SDK2: variants seen among roughly 807,000 people sequenced by gnomAD.
SDK2 encodes sidekick cell adhesion molecule 2, also known as protein sidekick-2.
A neutral mutation model predicts 253.9 loss-of-function variants in SDK2; 105 were observed. That is an observed-to-expected ratio of 0.41 (90% CI 0.35 to 0.49). The LOEUF is 0.49. Among genes scored for constraint, SDK2 ranks in the 20% least tolerant of loss-of-function variants. SDK2 has a pLI of 0.06. For synonymous variants in SDK2, 1,249 were observed against 1,234.9 expected, an observed-to-expected ratio of 1.01 and a Z score of -0.24; for missense variants, 2,608 against 3,003.0, an observed-to-expected ratio of 0.87 and a Z score of 3.07.
At chr17:73,411,930 C>A (rs1316334361) in intron 18 of SDK2, among the ~76,000 whole-genome samples, 2 of 137,220 alleles carry the variant, frequency 1.5e-5, no homozygotes, top group African/African-American at 5.6e-5. Flanking sequence ...CGCCACCATG[C>A]CCAGTTAATT....
At chr17:73,542,028 G>T (rs956079845) in intron 1 of SDK2, among the ~76,000 whole-genome samples, 5 of 152,230 alleles carry the variant, frequency 3.3e-5, no homozygotes, top group African/African-American at 1.2e-4. Context: ...AACAGCATCT[G>T]TGAAGTGCGT....
In SDK2 at chr17:73,564,834, C is replaced by CA. The variant is rs200918401; in HGVS notation, c.65-57238dup. On this transcript the variant is annotated intron_variant, in intron 1 of 44. Coordinates refer to ENST00000392650, the MANE Select transcript of SDK2 (RefSeq NM_001144952.2). ...AGAGAGACTCTGTCTGAAAAAAAAA[C>CA]AAAAAACAAAAACAAACCCAAAACA... Among the ~76,000 whole-genome samples, 345 of 101,350 alleles carry CA rather than the reference C, an allele frequency of 3.4e-3. 7 individuals carry two copies. In the South Asian group the frequency reaches 0.049, roughly 14 times the overall value. 66.5% of individuals were successfully genotyped at this position (101,350 alleles called of 152,430 possible). A position where few individuals can be genotyped will look rare whatever the true frequency, so the allele number is the denominator to read the frequency against.
At chr17:73,568,766 C>G (rs2045341996) in intron 1 of SDK2, among the ~76,000 whole-genome samples, 1 of 143,996 alleles carries the variant, frequency 6.9e-6, no homozygotes, top group South Asian at 2.2e-4. Flanking sequence ...GCTCAATGAA[C>G]CCCAAGCAGG....
chr17:73,471,736 T>C (rs920750235), intron 3 of SDK2, among the ~76,000 whole-genome samples: 1 of 152,040 alleles, frequency 6.6e-6, no homozygotes, highest in Non-Finnish European at 1.5e-5. Flanking sequence ...AGAGGAGGCA[T>C]TGGAAGCAGG....
At chr17:73,384,235 C>T (rs907218690) in intron 32 of SDK2, among the ~76,000 whole-genome samples, 2 of 152,196 alleles carry the variant, frequency 1.3e-5, no homozygotes, top group Admixed American at 6.5e-5. Context: ...AATCAGTAAT[C>T]GCCTTTTATC....
intron 37 of SDK2, among the ~76,000 whole-genome samples, chr17:73,365,908 C>T (rs537111114): frequency 2.0e-5 from 3 of 152,154 alleles, no homozygotes; most frequent in East Asian, 1.9e-4. Flanking sequence ...AGAGGCCCCA[C>T]GCAGTCAGGG....
At chr17:73,558,088 G>A (rs1599677243) in intron 1 of SDK2, among the ~76,000 whole-genome samples, 1 of 152,234 alleles carries the variant, frequency 6.6e-6, no homozygotes, top group South Asian at 2.1e-4. Context: ...TGCCCTGGGG[G>A]CACTTAGCAG....
chr17:73,396,364 C>T (rs1167240732), intron 24 of SDK2, among the ~76,000 whole-genome samples: 1 of 152,132 alleles, frequency 6.6e-6, no homozygotes, highest in Non-Finnish European at 1.5e-5. Flanking sequence ...CTGAAGGGCA[C>T]AGAGCTGGGG....
chr17:73,414,676 G>A lies in SDK2; in HGVS notation c.2452C>T (p.Gln818Ter). 1 of 1,613,694 alleles carries A rather than the reference G, an allele frequency of 6.2e-7. No individual in the cohort carries two copies. Among genetic ancestry groups the A allele is most frequent in the African/African-American group, 1.3e-5 (1 of 75,028 alleles). ...CCCTGGTTGATGCCGTTGATGAACTGGGGGCTGGGGGCGTTCCAGGTGAAG... is the reference window on the plus strand; with the variant it reads ...CCCTGGTTGATGCCGTTGATGAACTAGGGGCTGGGGGCGTTCCAGGTGAAG... ...IRFTWNAPSPQFINGINQGYK... is the reference protein window; with the variant it reads ...IRFTWNAPSP The change falls in exon 18 of 45, where the codon CAG becomes TAG. Residue 818 changes from glutamine to a stop codon, truncating the protein, a stop_gained. Coordinates refer to ENST00000392650, the MANE Select transcript of SDK2 (RefSeq NM_001144952.2). LOFTEE classifies it high-confidence loss of function.
At position 73,509,089 on chromosome 17, in the gene SDK2, C is replaced by A. The variant is rs543825900; in HGVS notation, c.65-1492G>T. On this transcript the variant is annotated intron_variant, in intron 1 of 44. Transcript: ENST00000392650. The stretch of plus-strand genomic sequence containing the variant: ...TGCAGGCTGCTGCTGTCAGGGTAGG[C>A]CCTGGGCACCCCGACCTTCAGGCCA... Among the ~76,000 whole-genome samples the A allele has an allele frequency of 1.2e-4, 19 of 152,250 alleles. No individual in the cohort carries two copies. In the East Asian group the frequency reaches 3.5e-3, roughly 28 times the overall value.
At chr17:73,414,872 CT>C in intron 17 of SDK2, 113 bp from the exon 18 acceptor site, 1 of 654,420 alleles carries the variant, frequency 1.5e-6, no homozygotes, top group South Asian at 1.7e-5. Context: ...TTGCACCCCC[CT>C]ACCCCACCCC....
At chr17:73,608,918 G>C (rs2045940536) in intron 1 of SDK2, among the ~76,000 whole-genome samples, 1 of 152,324 alleles carries the variant, frequency 6.6e-6, no homozygotes, top group Admixed American at 6.5e-5. Flanking sequence ...CCGTGTCGCA[G>C]CGGAGAAGGA....
rs1000370859 is a variant in SDK2, at chr17:73,559,607, C to T, written c.65-52010G>A. On this transcript the variant is annotated intron_variant, in intron 1 of 44. Coordinates refer to ENST00000392650, the MANE Select transcript of SDK2 (RefSeq NM_001144952.2). ...CCACTCCGCTCCCTGTGCCCCCCGCCCCCGCCACCATACCACACATGTCAC... is the reference window on the plus strand; with the variant it reads ...CCACTCCGCTCCCTGTGCCCCCCGCTCCCGCCACCATACCACACATGTCAC... Among the ~76,000 whole-genome samples, 94 of 144,980 alleles carry T rather than the reference C, an allele frequency of 6.5e-4. 4 individuals are homozygous for T. The highest frequency in any genetic ancestry group is 2.5e-3 in the African/African-American group (94 of 37,748).
chr17:73,528,872 C>T (rs2064147019), intron 1 of SDK2, among the ~76,000 whole-genome samples: 1 of 152,162 alleles, frequency 6.6e-6, no homozygotes, highest in Non-Finnish European at 1.5e-5. Flanking sequence ...CAGCCATTAC[C>T]CTTTGGACCA....
In SDK2 at chr17:73,455,323, T is replaced by C. The variant is rs914000540; in HGVS notation, c.479+583A>G. 6.6e-6 allele frequency among the ~76,000 whole-genome samples: 1 copy of C among 152,038 alleles called. No homozygotes were observed. Among genetic ancestry groups the C allele is most frequent in the Admixed American group, 6.5e-5 (1 of 15,276 alleles). Reference sequence around the variant, plus strand: ...GCGGAGGTGTGGGGTGTTGGCTCCATCCTCCTGCCCACAGGCTGGGCTGCC... The same window carrying C: ...GCGGAGGTGTGGGGTGTTGGCTCCACCCTCCTGCCCACAGGCTGGGCTGCC... On this transcript the variant is annotated intron_variant, in intron 4 of 44. Transcript: ENST00000392650. The surrounding 1 kb of genome is among the most constrained non-coding windows in gnomAD (Gnocchi z 5.0).
intron 18 of SDK2, among the ~76,000 whole-genome samples, chr17:73,412,046 GT>G (rs2063136612): frequency 4.3e-4 from 1 of 2,314 alleles, no homozygotes; most frequent in African/African-American, 7.2e-4. Context: ...GTATATATAT[GT>G]ATATACGTAT....
chr17:73,606,789 C>G (rs1006818742), intron 1 of SDK2, among the ~76,000 whole-genome samples: 1 of 152,136 alleles, frequency 6.6e-6, no homozygotes, highest in East Asian at 1.9e-4. Flanking sequence ...GGAACAGGCT[C>G]TATTAGTCAC....
intron 9 of SDK2, among the ~76,000 whole-genome samples, chr17:73,434,681 C>T (rs1567770656): frequency 6.6e-6 from 1 of 152,224 alleles, no homozygotes; most frequent in South Asian, 2.1e-4. Context: ...CACTCTGTCA[C>T]CCAGGCTGGA....
intron 1 of SDK2, among the ~76,000 whole-genome samples, chr17:73,538,976 G>C (rs779103623): frequency 6.6e-6 from 1 of 152,168 alleles, no homozygotes; most frequent in Non-Finnish European, 1.5e-5. Flanking sequence ...CTGTCCTTCT[G>C]ATCTCCTTTG....
Sources: gnomAD v4.1 joint callset for allele counts (sites outside exome capture counted in the v4.1 genomes callset) on GRCh38, gnomAD v4.1.1 for gene constraint, Gnocchi (gnomAD v3.1) non-coding constraint, MANE v1.5 for transcripts, NCBI Gene and HGNC (gene_info 2026-07-23, HGNC 2026-07-21) for gene names.